The following PARD3 variants were observed in gnomAD, a reference collection of about 807,000 sequenced individuals.
PARD3 encodes the protein partitioning defective 3 homolog.
A neutral mutation model predicts 155.4 loss-of-function variants in PARD3; 75 were observed. The observed-to-expected ratio is 0.48, with a 90% CI of 0.40 to 0.58. The LOEUF (loss-of-function observed/expected upper bound fraction) is 0.58, where lower values mean the gene tolerates loss of function less well. PARD3 is among the 20% of genes least tolerant of loss of function. The probability of loss-of-function intolerance (pLI) is 0.00; values close to 1 mark genes in which losing one functional copy is unlikely to be tolerated. For synonymous variants in PARD3, 576 were observed against 610.5 expected, an observed-to-expected ratio of 0.94 and a Z score of 0.83; for missense variants, 1,642 against 1,721.7, an observed-to-expected ratio of 0.95 and a Z score of 0.82.
At chr10:34,570,521 C>T (rs192880327) in intron 2 of PARD3, among the ~76,000 whole-genome samples, 1 of 152,182 alleles carries the variant, frequency 6.6e-6, no homozygotes, top group Admixed American at 6.5e-5. Flanking sequence ...ACTGAGTTGC[C>T]AAATTCAAAC....
intron 2 of PARD3, among the ~76,000 whole-genome samples, chr10:34,629,074 T>C (rs565433714): frequency 6.6e-6 from 1 of 152,306 alleles, no homozygotes; most frequent in Non-Finnish European, 1.5e-5. Context: ...AGCCATCTAA[T>C]ATTGCAGAGT....
At chr10:34,800,900 A>G (rs2134330081) in intron 1 of PARD3, among the ~76,000 whole-genome samples, 1 of 152,132 alleles carries the variant, frequency 6.6e-6, no homozygotes, top group South Asian at 2.1e-4. Context: ...TGAAAATACC[A>G]CTCCCCGGAA....
chr10:34,635,785 C>T (rs1294487303), intron 2 of PARD3, among the ~76,000 whole-genome samples: 1 of 152,198 alleles, frequency 6.6e-6, no homozygotes, highest in Admixed American at 6.5e-5. Context: ...TCTATAAATA[C>T]AGTAGAACTT....
intron 22 of PARD3, among the ~76,000 whole-genome samples, chr10:34,263,736 T>G (rs978260635): frequency 6.6e-6 from 1 of 152,210 alleles, no homozygotes; most frequent in African/African-American, 2.4e-5. Context: ...CAACTGCTTC[T>G]TACTTTATAG....
intron 1 of PARD3, among the ~76,000 whole-genome samples, chr10:34,697,350 C>T (rs2094193743): frequency 6.6e-6 from 1 of 152,144 alleles, no homozygotes; most frequent in African/African-American, 2.4e-5. Flanking sequence ...TTCTTCATAC[C>T]TAAAGATGAT....
chr10:34,384,068 T>C (rs1164313127), intron 8 of PARD3, 61 bp downstream of exon 8: 1 of 1,540,298 alleles, frequency 6.5e-7, no homozygotes. Flanking sequence ...GCATTTCAAC[T>C]GACTGCACTC....
chr10:34,781,453 T>A (rs1297759989), intron 1 of PARD3, among the ~76,000 whole-genome samples: 2 of 152,202 alleles, frequency 1.3e-5, no homozygotes. Context: ...GATTTCAGCC[T>A]CCTTTCACAG....
intron 3 of PARD3, among the ~76,000 whole-genome samples, chr10:34,497,383 G>A (rs1045516528): frequency 5.9e-5 from 9 of 152,146 alleles, no homozygotes; most frequent in African/African-American, 1.4e-4. Flanking sequence ...GAGGATGTGT[G>A]CAGGTTATAT....
At chr10:34,220,415 G>A (rs571072524) in intron 22 of PARD3, among the ~76,000 whole-genome samples, 2 of 152,294 alleles carry the variant, frequency 1.3e-5, no homozygotes, top group African/African-American at 4.8e-5. Flanking sequence ...TCAAAATAAT[G>A]AGCACTTTTC....
chr10:34,642,693 C>T (rs2092716569), intron 2 of PARD3, among the ~76,000 whole-genome samples: 1 of 152,124 alleles, frequency 6.6e-6, no homozygotes. Flanking sequence ...AGACGGCCCC[C>T]TCCCCATGAC....
intron 2 of PARD3, among the ~76,000 whole-genome samples, chr10:34,677,723 G>A (rs959983978): frequency 6.6e-6 from 1 of 152,040 alleles, no homozygotes; most frequent in Non-Finnish European, 1.5e-5. Flanking sequence ...ACTCTTCTCC[G>A]GGCAGGGGGA....
chr10:34,776,833 T>TTTGGGG (rs1564608800), intron 1 of PARD3, among the ~76,000 whole-genome samples: 2 of 9,908 alleles, frequency 2.0e-4, no homozygotes, highest in African/African-American at 5.8e-4. Context: ...CGTGTTTTTT[T>TTTGGGG]GTGGGGGGGG....
chr10:34,581,217 ATTTTTC>A (rs1171314808), intron 2 of PARD3, among the ~76,000 whole-genome samples: 3 of 105,028 alleles, frequency 2.9e-5, no homozygotes. Context: ...TATTTTGGTT[ATTTTTC>A]TTTTTCTTTT....
intron 14 of PARD3, among the ~76,000 whole-genome samples, chr10:34,355,946 A>C (rs1248284956): frequency 1.9e-5 from 2 of 103,946 alleles, no homozygotes; most frequent in Admixed American, 9.3e-5. Context: ...AAAAAAAAAA[A>C]CAAAACAAAA....
At chr10:34,796,252 C>T (rs546003218) in intron 1 of PARD3, among the ~76,000 whole-genome samples, 1 of 152,256 alleles carries the variant, frequency 6.6e-6, no homozygotes. Context: ...ATGAATGGAG[C>T]CATCTAGGAT....
chr10:34,605,581 ATATATATCTCCTATATATATATATCTCC>A (rs2090228800), intron 2 of PARD3, among the ~76,000 whole-genome samples: 2 of 74,986 alleles, frequency 2.7e-5, no homozygotes, highest in African/African-American at 9.7e-5. Flanking sequence ...TATATCTCCT[ATATATATCTCCTATATATATATATCTCC>A]TATATATATA....
chr10:34,227,854 TTTTATATATA>T (rs1322733297), intron 22 of PARD3, among the ~76,000 whole-genome samples: 6 of 26,504 alleles, frequency 2.3e-4, no homozygotes, highest in Non-Finnish European at 5.0e-4. Context: ...GGGAATTATT[TTTTATATATA>T]TATATATATA....
At chr10:34,598,801 C>T (rs2089515536) in intron 2 of PARD3, among the ~76,000 whole-genome samples, 1 of 152,142 alleles carries the variant, frequency 6.6e-6, no homozygotes, top group African/African-American at 2.4e-5. Flanking sequence ...TGCCATAGAC[C>T]TGCAGTTACA....
At chr10:34,731,859 T>TA (rs146728684) in intron 1 of PARD3, among the ~76,000 whole-genome samples, 5,594 of 152,152 alleles carry the variant, frequency 0.037, 362 homozygotes, top group African/African-American at 0.13. Context: ...AGTGAAGAAA[T>TA]AAGCCCACTA....
Sources: allele counts gnomAD v4.1 joint callset (sites outside exome capture counted in the v4.1 genomes callset), GRCh38; gene constraint gnomAD v4.1.1; transcripts MANE v1.5; gene names NCBI Gene and HGNC (gene_info 2026-07-23, HGNC 2026-07-21).